Variants in KALRN observed in about 807,000 individuals in gnomAD.
KALRN encodes the protein kalirin.
In KALRN, 70 loss-of-function variants were observed where a neutral mutation model predicts 353.7. The observed-to-expected ratio is 0.20, with a 90% CI of 0.16 to 0.24. The LOEUF (loss-of-function observed/expected upper bound fraction) is 0.24. Ranked by LOEUF, KALRN falls within the 10% of genes least tolerant of loss-of-function variation. The pLI, the probability that KALRN is intolerant of heterozygous loss-of-function variation, is 1.00. For missense variants in KALRN, 2,791 were observed against 3,756.7 expected, an observed-to-expected ratio of 0.74 and a Z score of 6.72; for synonymous variants, 1,391 against 1,434.8, an observed-to-expected ratio of 0.97 and a Z score of 0.69.
intron 3 of KALRN, among the ~76,000 whole-genome samples, chr3:124,238,668 G>C (rs1400820288): frequency 6.6e-6 from 1 of 152,166 alleles, no homozygotes; most frequent in East Asian, 1.9e-4. Flanking sequence ...TTAAGATTTT[G>C]TCTATACCTT....
intron 5 of KALRN, among the ~76,000 whole-genome samples, chr3:124,283,365 G>A (rs2075536225): frequency 6.6e-6 from 1 of 152,180 alleles, no homozygotes; most frequent in African/African-American, 2.4e-5. Flanking sequence ...AATAGGATTT[G>A]ACCTCTTCAA....
intron 51 of KALRN, among the ~76,000 whole-genome samples, chr3:124,686,851 G>C (rs1395229837): frequency 1.9e-5 from 2 of 104,498 alleles, no homozygotes; most frequent in Non-Finnish European, 3.6e-5. Flanking sequence ...GTCTTTCTCT[G>C]TCATCCAGGC....
At chr3:124,135,562 T>G (rs2065831579) in intron 1 of KALRN, among the ~76,000 whole-genome samples, 1 of 151,970 alleles carries the variant, frequency 6.6e-6, no homozygotes, top group Non-Finnish European at 1.5e-5. Flanking sequence ...TTTGAAAGGG[T>G]GTGGGGGTGT....
chr3:124,477,848 A>C (rs529752940), intron 27 of KALRN, among the ~76,000 whole-genome samples: 3 of 152,092 alleles, frequency 2.0e-5, no homozygotes, highest in Admixed American at 6.5e-5. Context: ...GAAAAAAAAA[A>C]CTGATATCTG....
rs2063290608 is a variant in KALRN, at chr3:124,492,632, T to A, written c.4690-108T>A. On this transcript the variant is annotated intron_variant, in intron 31 of 59. Transcript: ENST00000682506. ...AAATGAGAAATAAACTCCCCAGACATTTGGAATCCTTGAAAATAACAGATG... is the reference window on the plus strand; with the variant it reads ...AAATGAGAAATAAACTCCCCAGACAATTGGAATCCTTGAAAATAACAGATG... The A allele has an allele frequency of 2.5e-6, 3 of 1,194,662 alleles. No homozygotes were observed. The Admixed American group carries it at 6.8e-5, about 27-fold the overall frequency. The allele number at this position is 1,194,662 out of a possible 1,614,324, so 74.0% of individuals were successfully genotyped here.
chr3:124,586,502 G>A (rs1254699470), intron 34 of KALRN, among the ~76,000 whole-genome samples: 1 of 152,184 alleles, frequency 6.6e-6, no homozygotes, highest in Non-Finnish European at 1.5e-5. Context: ...GGAATTGCCC[G>A]ACTTTCACTC....
At chr3:124,135,293 G>A (rs931524115) in intron 1 of KALRN, among the ~76,000 whole-genome samples, 48 of 152,146 alleles carry the variant, frequency 3.2e-4, no homozygotes, top group African/African-American at 1.1e-3. Context: ...ACCAAGCATC[G>A]TGTGTTCTCA....
intron 48 of KALRN, 88 bp from the exon 49 acceptor site, chr3:124,674,276 G>A (rs1043886310): frequency 2.9e-5 from 40 of 1,380,452 alleles, no homozygotes; most frequent in African/African-American, 4.4e-5. Flanking sequence ...GGGAGATTTG[G>A]CCTTGAACCA....
chr3:124,620,076 C>T (rs374962994), intron 34 of KALRN, among the ~76,000 whole-genome samples: 9 of 151,562 alleles, frequency 5.9e-5, no homozygotes, highest in East Asian at 3.9e-4. Context: ...ATTCTTTCAG[C>T]GGCTATGGTT....
intron 34 of KALRN, among the ~76,000 whole-genome samples, chr3:124,602,413 G>A (rs2076900919): frequency 6.6e-6 from 1 of 152,212 alleles, no homozygotes; most frequent in Non-Finnish European, 1.5e-5. Context: ...GAAATCTGGG[G>A]TGCTCCCATG....
chr3:124,686,607 A>G (rs1026233929), intron 51 of KALRN, among the ~76,000 whole-genome samples: 2 of 152,074 alleles, frequency 1.3e-5, no homozygotes, highest in Non-Finnish European at 2.9e-5. Context: ...TTAGTTATGT[A>G]GGAAGAGCTG....
intron 33 of KALRN, among the ~76,000 whole-genome samples, chr3:124,553,388 T>C (rs1160157227): frequency 6.6e-6 from 1 of 152,176 alleles, no homozygotes; most frequent in Non-Finnish European, 1.5e-5. Context: ...GAAAGGGAAA[T>C]GGTTACCCAC....
At chr3:124,238,342 G>A (rs1467627209) in intron 3 of KALRN, among the ~76,000 whole-genome samples, 1 of 152,198 alleles carries the variant, frequency 6.6e-6, no homozygotes, top group Non-Finnish European at 1.5e-5. Context: ...TTAGAATCAG[G>A]AGAAAGAACC....
At chr3:124,362,130 A>G (rs2084118926) in intron 10 of KALRN, among the ~76,000 whole-genome samples, 2 of 152,102 alleles carry the variant, frequency 1.3e-5, no homozygotes, top group Admixed American at 6.5e-5. Context: ...GGTGCAGGCA[A>G]TGAGGAAAGG....
chr3:124,294,014 A>G (rs1422729427), intron 5 of KALRN, among the ~76,000 whole-genome samples: 1 of 151,992 alleles, frequency 6.6e-6, no homozygotes, highest in East Asian at 1.9e-4. Context: ...CTGGCACTCC[A>G]TCTTGGTGGG....
rs1468293280 is a variant in KALRN at position 124,536,925 on chromosome 3, GAGA to G, written c.4936-25916_4936-25914del. On this transcript the variant is annotated intron_variant, in intron 33 of 59. Coordinates refer to ENST00000682506, the MANE Select transcript of KALRN (RefSeq NM_001388419.1). The stretch of plus-strand genomic sequence containing the variant: ...TGTGAAATTTAAAAAGTAAACATAA[GAGA>G]ATCCACATCTTCATGCAGGGGATGT... 1.3e-3 allele frequency among the ~76,000 whole-genome samples: 204 copies of G among 152,312 alleles called. 1 individual carries two copies. Among genetic ancestry groups the G allele is most frequent in the East Asian group, 5.8e-4 (3 of 5,188 alleles).
chr3:124,411,050 G>A (rs1483926578), intron 13 of KALRN, among the ~76,000 whole-genome samples: 6 of 152,136 alleles, frequency 3.9e-5, no homozygotes, highest in East Asian at 1.9e-4. Flanking sequence ...ACACAGCAGC[G>A]TGGATGAATC....
chr3:124,406,832 C>CTTTTTTT (rs10686645), intron 13 of KALRN, among the ~76,000 whole-genome samples: 1 of 126,282 alleles, frequency 7.9e-6, no homozygotes, highest in African/African-American at 3.0e-5. Context: ...AGTTGCTTTG[C>CTTTTTTT]TTTTTTTTTT....
intron 1 of KALRN, among the ~76,000 whole-genome samples, chr3:124,194,819 G>C (rs887404420): frequency 1.3e-5 from 2 of 152,088 alleles, no homozygotes; most frequent in Non-Finnish European, 2.9e-5. Flanking sequence ...GCTTGGCCCT[G>C]TTCCCTTTCT....
Sources: gnomAD v4.1 joint callset for allele counts (sites outside exome capture counted in the v4.1 genomes callset) on GRCh38, gnomAD v4.1.1 for gene constraint, MANE v1.5 for transcripts, NCBI Gene and HGNC (gene_info 2026-07-23, HGNC 2026-07-21) for gene names.